The following TUT4 variants were observed in gnomAD, a reference collection of about 807,000 sequenced individuals.
TUT4 encodes terminal uridylyltransferase 4.
In TUT4, 36 loss-of-function variants were observed where a neutral mutation model predicts 192.2. The observed-to-expected ratio is 0.19, with a 90% confidence interval of 0.14 to 0.25. TUT4 has a LOEUF of 0.25. Ranked by LOEUF, TUT4 falls within the 10% of genes least tolerant of loss-of-function variation. The pLI is 1.00. For synonymous variants in TUT4, 618 were observed against 666.0 expected (o/e 0.93, Z 1.11); for missense variants, 1,493 against 1,957.2 (o/e 0.76, Z 4.47).
At position 52,425,489 on chromosome 1, in the gene TUT4, A is replaced by C. The variant is rs949546184; in HGVS notation, c.4730T>G (p.Leu1577Arg). The C allele has an allele frequency of 6.2e-7, 1 of 1,612,286 alleles. No homozygotes were observed. The highest frequency in any genetic ancestry group is 1.1e-5 in the South Asian group (1 of 90,704). ...ATGTTCCCAAGGAATTGGAGGAGTCAGTCCTCGAAAGCCTGGCTCTGCATT... is the reference window on the plus strand; with the variant it reads ...ATGTTCCCAAGGAATTGGAGGAGTCCGTCCTCGAAAGCCTGGCTCTGCATT... ...VGNSEPGFRG[L>R]TPPIPWEHAP... Residue 1577 changes from leucine to arginine, a missense_variant, in exon 29 of 30, where the codon CTG becomes CGG. Transcript: ENST00000257177.
chr1:52,499,359 T>C (rs992936681), intron 4 of TUT4, among the ~76,000 whole-genome samples: 8 of 151,206 alleles, frequency 5.3e-5, no homozygotes, highest in South Asian at 2.1e-4. Flanking sequence ...GATCGTGCCA[T>C]TGCACTCCAG....
intron 13 of TUT4, among the ~76,000 whole-genome samples, chr1:52,473,445 A>C (rs1666301602): frequency 6.6e-6 from 1 of 152,198 alleles, no homozygotes; most frequent in South Asian, 2.1e-4. Flanking sequence ...AAGGAAAAGA[A>C]GAGGAGGGTA....
chr1:52,425,637 A>C (rs1386945505), intron 28 of TUT4, 130 bp from the exon 29 acceptor site: 34 of 1,153,700 alleles, frequency 2.9e-5, no homozygotes, highest in Non-Finnish European at 2.8e-5. Flanking sequence ...AGAGAATACC[A>C]AACAAACTTT....
chr1:52,475,857 T>A (rs114734422), intron 12 of TUT4, among the ~76,000 whole-genome samples: 1 of 152,078 alleles, frequency 6.6e-6, no homozygotes, highest in African/African-American at 2.4e-5. Flanking sequence ...TTTTTTTTTT[T>A]CTTTTGAGAT....
intron 20 of TUT4, among the ~76,000 whole-genome samples, chr1:52,451,265 C>CAA (rs1187175281): frequency 6.8e-5 from 7 of 103,010 alleles, no homozygotes; most frequent in Non-Finnish European, 1.4e-4. Context: ...GACTCTGTCT[C>CAA]AAAAAAAAAA....
intron 1 of TUT4, among the ~76,000 whole-genome samples, chr1:52,550,033 A>G (rs1689009412): frequency 6.6e-6 from 1 of 152,188 alleles, no homozygotes; most frequent in South Asian, 2.1e-4. Context: ...CCTGTAAGAA[A>G]TACTCCGGAG....
chr1:52,518,296 A>T (rs140733457), intron 2 of TUT4, among the ~76,000 whole-genome samples: 195 of 152,338 alleles, frequency 1.3e-3, no homozygotes, highest in African/African-American at 4.5e-3. Context: ...AATACTACAG[A>T]CTGGGTGGCT....
At chr1:52,466,324 C>T (rs1421125182) in intron 15 of TUT4, among the ~76,000 whole-genome samples, 1 of 151,936 alleles carries the variant, frequency 6.6e-6, no homozygotes, top group Admixed American at 6.6e-5. Flanking sequence ...CATGGTGAGA[C>T]TTTGTCTTTA....
In TUT4 at chr1:52,445,814, A is replaced by C. The variant is rs954830057; in HGVS notation, c.3795T>G (p.Pro1265=). 5 of 1,612,238 alleles carry C rather than the reference A, an allele frequency of 3.1e-6. No homozygotes were observed. In the African/African-American group the frequency reaches 6.7e-5, roughly 22 times the overall value. The change falls in exon 24 of 30, where the codon CCT becomes CCG. Residue 1265 remains proline, a synonymous_variant. Coordinates refer to ENST00000257177, the MANE Select transcript of TUT4 (RefSeq NM_001009881.3). The part of the protein sequence containing the change: ...FINGRKLFGT[P]FYPLIGREAE... Reference sequence around the variant, plus strand: ...CTTCTCTGCCAATGAGTGGATAAAAAGGGGTACCAAAAAGTTTCCTTCCAT... The same window carrying C: ...CTTCTCTGCCAATGAGTGGATAAAACGGGGTACCAAAAAGTTTCCTTCCAT...
chr1:52,528,559 C>A (rs956631826), intron 1 of TUT4, among the ~76,000 whole-genome samples: 1 of 151,290 alleles, frequency 6.6e-6, no homozygotes, highest in Non-Finnish European at 1.5e-5. Flanking sequence ...TTGCCCTATA[C>A]ACCTTAAATT....
chr1:52,429,264 T>C (rs556469195), intron 28 of TUT4, among the ~76,000 whole-genome samples: 21 of 151,712 alleles, frequency 1.4e-4, no homozygotes, highest in African/African-American at 4.8e-4. Flanking sequence ...TTTGTATTTT[T>C]TAAGTAGAGA....
At position 52,423,651 on chromosome 1, in the gene TUT4, T is replaced by C; in HGVS notation, c.*284A>G. On this transcript the variant is annotated 3_prime_UTR_variant, in exon 30 of 30. Coordinates refer to ENST00000257177, the MANE Select transcript of TUT4 (RefSeq NM_001009881.3). ...ACATAAAATTCCCTTAAAAATAGGG[T>C]AATAAAATAGATGAAATTTGTATCA... The C allele has an allele frequency of 4.0e-6, 2 of 497,936 alleles. No homozygotes were observed. The highest frequency in any genetic ancestry group is 2.2e-5 in the South Asian group (1 of 45,762). 30.8% of individuals were successfully genotyped at this position (497,936 alleles called of 1,614,324 possible). A position where few individuals can be genotyped will look rare whatever the true frequency, so the allele number is the denominator to read the frequency against.
At position 52,525,587 on chromosome 1, in the gene TUT4, T is replaced by C; in HGVS notation, c.694A>G (p.Ile232Val). The part of the protein sequence containing the change: ...TGDSDDSASG[I>V]EDVSDDLSKM... Reference sequence around the variant, plus strand: ...CTTAAATCGTCCGATACGTCTTCAATTCCTGAAGCACTATCATCAGAATCA... The same window carrying C: ...CTTAAATCGTCCGATACGTCTTCAACTCCTGAAGCACTATCATCAGAATCA... The change falls in exon 2 of 30, where the codon ATT becomes GTT. Residue 232 changes from isoleucine to valine, a missense_variant. Ile to Val is a conservative substitution (Grantham distance 29, BLOSUM62 3). This residue lies in a region of TUT4 where 437 missense variants were observed against 577.6 expected (regional missense o/e 0.76). Coordinates refer to ENST00000257177, the MANE Select transcript of TUT4 (RefSeq NM_001009881.3). 6.2e-7 allele frequency: 1 copy of C among 1,610,016 alleles called. No individual in the cohort carries two copies. Among genetic ancestry groups the C allele is most frequent in the Non-Finnish European group, 8.5e-7 (1 of 1,177,750 alleles).
Position 52,446,473 on chromosome 1 carries a change from T to TGTCTATACA in TUT4, c.3514-40_3514-32dup, listed in dbSNP as rs746985127. ...TATAAAAAAAAAAAGAAAAGAACAA[T>TGTCTATACA]GTCTATACAGTACTATCCAAAACAT... On this transcript the variant is annotated intron_variant, in intron 21 of 29. Transcript: ENST00000257177. 6 of 1,571,528 alleles carry TGTCTATACA rather than the reference T, an allele frequency of 3.8e-6. No individual in the cohort carries two copies. In the African/African-American group the frequency reaches 8.3e-5, roughly 22 times the overall value.
At chr1:52,528,193 T>A (rs561763308) in intron 1 of TUT4, among the ~76,000 whole-genome samples, 2,103 of 142,292 alleles carry the variant, frequency 0.015, 33 homozygotes, top group African/African-American at 0.039. Context: ...AAAATAATAA[T>A]AATAATAATA....
chr1:52,493,802 G>GT (rs933451657), intron 6 of TUT4, 140 bp from the exon 7 acceptor site: 13,238 of 492,390 alleles, frequency 0.027, 4 homozygotes, highest in East Asian at 0.039. Flanking sequence ...ACAGAATCGT[G>GT]TTTTTTTTTT....
chr1:52,537,885 T>C (rs1483023169), intron 1 of TUT4, among the ~76,000 whole-genome samples: 1 of 151,888 alleles, frequency 6.6e-6, no homozygotes, highest in Admixed American at 6.6e-5. Context: ...CACTCCAGTC[T>C]GGGCAACAAG....
intron 27 of TUT4, chr1:52,434,472 TATTA>T (rs1414595417): frequency 5.9e-5 from 9 of 152,180 alleles, no homozygotes; most frequent in South Asian, 2.1e-4. Flanking sequence ...TTAGAGTCAT[TATTA>T]ATTAAGAAGT....
chr1:52,543,906 C>T (rs185827600), intron 1 of TUT4, among the ~76,000 whole-genome samples: 1 of 152,280 alleles, frequency 6.6e-6, no homozygotes, highest in East Asian at 1.9e-4. Flanking sequence ...CACATGGAAT[C>T]TCAAGAGACC....
Sources: gnomAD v4.1 joint callset for allele counts (sites outside exome capture counted in the v4.1 genomes callset) on GRCh38, gnomAD v4.1.1 for gene constraint, gnomAD v4.1.1 regional missense constraint, MANE v1.5 for transcripts, NCBI Gene and HGNC (gene_info 2026-07-23, HGNC 2026-07-21) for gene names.